ZFP64: variants seen among roughly 807,000 people sequenced by gnomAD.
ZFP64 encodes ZFP64 zinc finger protein.
Under a neutral mutation model 51.6 loss-of-function variants are expected in ZFP64, and 14 were observed. The observed-to-expected ratio is 0.27, with a 90% confidence interval of 0.18 to 0.42. The LOEUF (loss-of-function observed/expected upper bound fraction) is 0.42, where lower values mean the gene tolerates loss of function less well. ZFP64 is among the 10% of genes least tolerant of loss of function. ZFP64 has a pLI of 1.00. For missense variants in ZFP64, 754 were observed against 906.8 expected (o/e 0.83, Z 2.16); for synonymous variants, 375 against 361.4 (o/e 1.04, Z -0.43).
chr20:52,119,393 G>T (rs1465564018), intron 5 of ZFP64, among the ~76,000 whole-genome samples: 1 of 151,490 alleles, frequency 6.6e-6, no homozygotes, highest in Non-Finnish European at 1.5e-5. Context: ...GTGCACAGCT[G>T]TAATCCCAGC....
downstream of ZFP64, chr20:52,151,239 C>G (rs1471111820): frequency 1.0e-6 from 1 of 985,290 alleles, no homozygotes; most frequent in Non-Finnish European, 1.2e-6. Context: ...CCATCATTCC[C>G]AAATCCCACC....
chr20:52,144,595 A>AAAAAAAAAAAAAAAAAAAAAAAAC, intron 5 of ZFP64, among the ~76,000 whole-genome samples: 1 of 148,798 alleles, frequency 6.7e-6, no homozygotes, highest in Non-Finnish European at 1.5e-5. Flanking sequence ...AAAAAAAAAA[A>AAAAAAAAAAAAAAAAAAAAAAAAC]AAAAAAATGC....
chr20:52,188,853 G>A (rs1045659753), intron 1 of ZFP64, among the ~76,000 whole-genome samples: 2 of 151,914 alleles, frequency 1.3e-5, no homozygotes, highest in African/African-American at 4.8e-5. Context: ...GCACACACCT[G>A]TAATCCCAGC....
At chr20:52,183,736 T>G (rs6126494) in intron 2 of ZFP64, among the ~76,000 whole-genome samples, 20,246 of 152,186 alleles carry the variant, frequency 0.13, 2,062 homozygotes, top group African/African-American at 0.28. Flanking sequence ...GTCTACTGTT[T>G]AAAAAACTCA....
At chr20:52,104,768 C>T in intron 5 of ZFP64, 2 of 558,136 alleles carry the variant, frequency 3.6e-6, no homozygotes, top group Non-Finnish European at 7.1e-6. Flanking sequence ...AGCCACCTTC[C>T]AGGCGCGCAG....
At chr20:52,167,773 A>G (rs1374149993) in intron 2 of ZFP64, among the ~76,000 whole-genome samples, 1 of 152,212 alleles carries the variant, frequency 6.6e-6, no homozygotes, top group Non-Finnish European at 1.5e-5. Context: ...TCACTCAGAC[A>G]CCACCTTTGA....
chr20:52,160,100 A>G lies in ZFP64; in HGVS notation c.763+23T>C, dbSNP rs1170602732. 6.2e-7 allele frequency: 1 copy of G among 1,614,210 alleles called. No individual in the cohort carries two copies. Among genetic ancestry groups the G allele is most frequent in the East Asian group, 2.2e-5 (1 of 44,892 alleles). ...GCCATAGAAAGTGAGGAGCGTAGAG[A>G]GCAAATAACAGGCAGGACTCACCCG... On this transcript the variant is annotated intron_variant, in intron 5 of 5. Coordinates refer to ENST00000216923, the MANE Select transcript of ZFP64 (RefSeq NM_018197.3). This position sits in a 1 kb window ranked among gnomAD's most constrained non-coding sequence, Gnocchi z 4.2.
chr20:52,112,075 C>A (rs1203796717), intron 5 of ZFP64, among the ~76,000 whole-genome samples: 1 of 117,362 alleles, frequency 8.5e-6, no homozygotes, highest in Admixed American at 1.0e-4. Context: ...GAGCGAGACT[C>A]TATCTCCAAA....
At chr20:52,116,324 C>T (rs6096765) in intron 5 of ZFP64, among the ~76,000 whole-genome samples, 26,863 of 151,580 alleles carry the variant, frequency 0.18, 2,505 homozygotes, top group Non-Finnish European at 0.21. Flanking sequence ...TTAGTAGAGA[C>T]GGGGTTTCCC....
At chr20:52,084,180 T>G in exon 9 of ZFP64, 3 of 200,982 alleles carry the variant, frequency 1.5e-5, no homozygotes, top group Non-Finnish European at 2.0e-5. Context: ...ACTCTAGAGA[T>G]TAGTTTTAGT....
chr20:52,170,347 G>A (rs1189974133), intron 2 of ZFP64, among the ~76,000 whole-genome samples: 1 of 152,120 alleles, frequency 6.6e-6, no homozygotes, highest in Non-Finnish European at 1.5e-5. Flanking sequence ...AGCTACTCAG[G>A]AGGCTGAGGC....
At chr20:52,104,469 C>T (rs972959742) in intron 5 of ZFP64, among the ~76,000 whole-genome samples, 6 of 152,180 alleles carry the variant, frequency 3.9e-5, no homozygotes, top group Non-Finnish European at 1.5e-5. Context: ...ATCCCCACCA[C>T]GGCTCCCACT....
intron 2 of ZFP64, among the ~76,000 whole-genome samples, chr20:52,177,094 C>T (rs1983283981): frequency 6.6e-6 from 1 of 150,760 alleles, no homozygotes; most frequent in Admixed American, 6.6e-5. Flanking sequence ...CTGTTGAGCA[C>T]CTATTGTGAA....
intron 5 of ZFP64, among the ~76,000 whole-genome samples, chr20:52,137,371 G>C (rs1051272136): frequency 3.9e-5 from 6 of 152,066 alleles, no homozygotes; most frequent in African/African-American, 1.4e-4. Flanking sequence ...CATCTAAGAA[G>C]TGGATCAGAT....
rs556870476 is a variant in ZFP64 at position 52,136,377 on chromosome 20, G to A, written c.763+23746C>T. On this transcript the variant is annotated intron_variant, in intron 5 of 8. Transcript: ENST00000361387. The stretch of plus-strand genomic sequence containing the variant: ...GGAAAGAAACCCCAGGTTGTTTTCA[G>A]TTCTTTGTTTTTAATAAAATTGACC... Among the ~76,000 whole-genome samples, 13 of 152,164 alleles carry A rather than the reference G, an allele frequency of 8.5e-5. No homozygotes were observed. In the East Asian group the frequency reaches 2.5e-3, roughly 29 times the overall value.
chr20:52,165,954 T>A lies in ZFP64; in HGVS notation c.358A>T (p.Thr120Ser). 1.2e-6 allele frequency: 2 copies of A among 1,614,160 alleles called. No homozygotes were observed. Among genetic ancestry groups the A allele is most frequent in the Non-Finnish European group, 1.7e-6 (2 of 1,180,010 alleles). Residue 120 changes from threonine to serine, a missense_variant, in exon 3 of 6, where the codon ACA becomes TCA. Thr to Ser is a moderately conservative substitution (Grantham distance 58). Coordinates refer to ENST00000216923, the MANE Select transcript of ZFP64 (RefSeq NM_018197.3). ...YLPTESNENQTATVISLPAKS... is the reference protein window; with the variant it reads ...YLPTESNENQSATVISLPAKS... ...GCAGGGAGAGAGATGACAGTGGCTGTCTGGTTTTCATTACTTTCCGTGGGC... is the reference window on the plus strand; with the variant it reads ...GCAGGGAGAGAGATGACAGTGGCTGACTGGTTTTCATTACTTTCCGTGGGC...
chr20:52,107,621 G>A (rs564930648), intron 5 of ZFP64, among the ~76,000 whole-genome samples: 3 of 152,036 alleles, frequency 2.0e-5, no homozygotes, highest in Non-Finnish European at 4.4e-5. Flanking sequence ...ATATAAAAAG[G>A]GTATGTAATC....
intron 5 of ZFP64, among the ~76,000 whole-genome samples, chr20:52,126,947 G>A (rs1475693365): frequency 2.6e-5 from 4 of 151,210 alleles, no homozygotes; most frequent in Non-Finnish European, 5.9e-5. Context: ...ATATGGTTAG[G>A]CTTTGTCAGA....
At chr20:52,145,718 C>T (rs1392424162) in intron 5 of ZFP64, among the ~76,000 whole-genome samples, 1 of 152,120 alleles carries the variant, frequency 6.6e-6, no homozygotes, top group Non-Finnish European at 1.5e-5. Context: ...GTTTAGGACA[C>T]TTATCATGAA....
Sources: gnomAD v4.1 joint callset for allele counts (sites outside exome capture counted in the v4.1 genomes callset) on GRCh38, gnomAD v4.1.1 for gene constraint, Gnocchi (gnomAD v3.1) non-coding constraint, MANE v1.5 for transcripts, NCBI Gene and HGNC (gene_info 2026-07-23, HGNC 2026-07-21) for gene names.